The following CHCHD6 variants were observed in gnomAD, a reference collection of about 807,000 sequenced individuals.
CHCHD6 encodes the protein coiled-coil-helix-coiled-coil-helix domain containing 6.
CHCHD6 carries 28 observed loss-of-function variants against 32.3 expected under a neutral mutation model. The ratio of observed to expected loss-of-function variants is 0.87; its 90% confidence interval spans 0.64 to 1.19. The LOEUF is 1.19. Ranked by LOEUF, CHCHD6 falls within the 50% of genes most tolerant of loss-of-function variation. The probability of loss-of-function intolerance (pLI) is 0.00; values close to 1 mark genes in which losing one functional copy is unlikely to be tolerated. For synonymous variants in CHCHD6, 122 were observed against 117.5 expected (o/e 1.04, Z -0.25); for missense variants, 333 against 307.0 (o/e 1.08, Z -0.63).
chr3:126,716,370 A>G (rs1935016976), intron 1 of CHCHD6, among the ~76,000 whole-genome samples: 1 of 151,964 alleles, frequency 6.6e-6, no homozygotes, highest in East Asian at 1.9e-4. Context: ...TTCAGGCCCA[A>G]TTCAGGCCAT....
At chr3:126,948,317 TC>T in intron 6 of CHCHD6, among the ~76,000 whole-genome samples, 1 of 152,172 alleles carries the variant, frequency 6.6e-6, no homozygotes, top group Non-Finnish European at 1.5e-5. Flanking sequence ...GGAGGGGAAA[TC>T]TGTTGCAGCC....
intron 4 of CHCHD6, among the ~76,000 whole-genome samples, chr3:126,739,099 C>T (rs889540394): frequency 6.6e-6 from 1 of 152,180 alleles, no homozygotes; most frequent in East Asian, 1.9e-4. Flanking sequence ...ATGTGGAGAT[C>T]TGAAAATCCT....
Position 126,839,213 on chromosome 3 carries a change from T to C in CHCHD6, c.412-13434T>C, listed in dbSNP as rs114262095. 6.2e-3 allele frequency among the ~76,000 whole-genome samples: 943 copies of C among 152,288 alleles called. 8 individuals carry two copies. Among genetic ancestry groups the C allele is most frequent in the African/African-American group, 0.021 (888 of 41,558 alleles). On this transcript the variant is annotated intron_variant, in intron 4 of 7. Coordinates refer to ENST00000290913, the MANE Select transcript of CHCHD6 (RefSeq NM_032343.3). ...CCATTTTATTCTTGTAGGGAATATT[T>C]ACTCTGTGTCACTTGGAATAAAGCG...
intron 5 of CHCHD6, among the ~76,000 whole-genome samples, chr3:126,862,714 T>TCCACCATCACCACCTCCTCCC (rs1941981469): frequency 1.3e-4 from 7 of 54,492 alleles, no homozygotes; most frequent in Non-Finnish European, 1.4e-4. Context: ...CACCTCCTCC[T>TCCACCATCACCACCTCCTCCC]CCTCTACCAT....
At chr3:126,904,971 G>T (rs2077984545) in intron 5 of CHCHD6, among the ~76,000 whole-genome samples, 1 of 152,218 alleles carries the variant, frequency 6.6e-6, no homozygotes, top group Non-Finnish European at 1.5e-5. Flanking sequence ...AGGTGATGAG[G>T]CATGGCTTTT....
chr3:126,877,739 G>C (rs1435091871), intron 5 of CHCHD6, among the ~76,000 whole-genome samples: 2 of 152,172 alleles, frequency 1.3e-5, no homozygotes, highest in African/African-American at 4.8e-5. Flanking sequence ...GGTGAAATCT[G>C]AATAAGATTG....
At chr3:126,736,523 C>T (rs187186046) in intron 4 of CHCHD6, among the ~76,000 whole-genome samples, 43 of 152,334 alleles carry the variant, frequency 2.8e-4, no homozygotes, top group Middle Eastern at 3.4e-3. Context: ...TTGCCTCTGA[C>T]TTTTTCCAAT....
intron 4 of CHCHD6, among the ~76,000 whole-genome samples, chr3:126,782,926 G>T (rs923595907): frequency 6.6e-6 from 1 of 152,162 alleles, no homozygotes; most frequent in Non-Finnish European, 1.5e-5. Context: ...GTGTAAGGTA[G>T]GGGTTCAGTA....
intron 4 of CHCHD6, among the ~76,000 whole-genome samples, chr3:126,851,615 T>C (rs1941475842): frequency 6.6e-6 from 1 of 152,208 alleles, no homozygotes; most frequent in African/African-American, 2.4e-5. Flanking sequence ...ATCCTGACCC[T>C]TAGTGTGGAG....
chr3:126,773,369 T>C (rs558416455), intron 4 of CHCHD6, among the ~76,000 whole-genome samples: 1 of 152,248 alleles, frequency 6.6e-6, no homozygotes, highest in Non-Finnish European at 1.5e-5. Flanking sequence ...CACAATAATT[T>C]ACGAGTAATA....
chr3:126,776,151 A>G (rs1204984612), intron 4 of CHCHD6, among the ~76,000 whole-genome samples: 1 of 152,194 alleles, frequency 6.6e-6, no homozygotes, highest in Non-Finnish European at 1.5e-5. Flanking sequence ...GTCTTCTTTA[A>G]TAATTTCTCT....
Position 126,733,141 on chromosome 3 carries a change from G to A in CHCHD6, c.330G>A (p.Glu110=). ...TCCAGGTGGCAAAGAGGGAAAGAGA[G>A]GCTGCCACCAAGCACTCCAAGGCAT... is the stretch of plus-strand genomic sequence containing the variant. The part of the protein sequence containing the change: ...KLFQVAKRER[E]AATKHSKASL... Residue 110 remains glutamate, a synonymous_variant, in exon 4 of 8, where the codon GAG becomes GAA. Transcript: ENST00000290913. 1 of 1,614,168 alleles carries A rather than the reference G, an allele frequency of 6.2e-7. No homozygotes were observed. Among genetic ancestry groups the A allele is most frequent in the African/African-American group, 1.3e-5 (1 of 75,068 alleles).
chr3:126,927,248 G>T (rs1453148061), intron 6 of CHCHD6, among the ~76,000 whole-genome samples: 1 of 152,182 alleles, frequency 6.6e-6, no homozygotes, highest in African/African-American at 2.4e-5. Flanking sequence ...CCAAGGCATG[G>T]GGCATGCGCT....
intron 4 of CHCHD6, among the ~76,000 whole-genome samples, chr3:126,809,281 T>C (rs1462153490): frequency 6.6e-6 from 1 of 152,208 alleles, no homozygotes; most frequent in African/African-American, 2.4e-5. Flanking sequence ...AGCAGTCTGC[T>C]TTTGCTTTGA....
intron 4 of CHCHD6, among the ~76,000 whole-genome samples, chr3:126,770,608 G>C (rs1937526055): frequency 6.6e-6 from 1 of 152,188 alleles, no homozygotes; most frequent in South Asian, 2.1e-4. Flanking sequence ...TTTTAGTTCA[G>C]TGAATGGGTT....
intron 4 of CHCHD6, among the ~76,000 whole-genome samples, chr3:126,783,286 CAT>C (rs1938040669): frequency 6.6e-6 from 1 of 152,142 alleles, no homozygotes; most frequent in Non-Finnish European, 1.5e-5. Context: ...CGTCAGCATT[CAT>C]ATAGAAGAAA....
intron 6 of CHCHD6, among the ~76,000 whole-genome samples, chr3:126,926,763 GAT>G (rs1334174768): frequency 6.6e-6 from 1 of 152,140 alleles, no homozygotes; most frequent in Admixed American, 6.5e-5. Context: ...GCAGGGAATT[GAT>G]ATGATTGGAT....
intron 1 of CHCHD6, among the ~76,000 whole-genome samples, chr3:126,719,195 C>G (rs1216764517): frequency 6.6e-6 from 1 of 152,234 alleles, no homozygotes; most frequent in Non-Finnish European, 1.5e-5. Flanking sequence ...AATTCACTGT[C>G]CTCTGGCCTG....
At chr3:126,814,124 T>C (rs1939777408) in intron 4 of CHCHD6, among the ~76,000 whole-genome samples, 1 of 152,204 alleles carries the variant, frequency 6.6e-6, no homozygotes, top group Non-Finnish European at 1.5e-5. Flanking sequence ...AGGTGGGTTA[T>C]CGATATCAGA....
Sources: allele counts gnomAD v4.1 joint callset (sites outside exome capture counted in the v4.1 genomes callset), GRCh38; gene constraint gnomAD v4.1.1; transcripts MANE v1.5; gene names NCBI Gene and HGNC (gene_info 2026-07-23, HGNC 2026-07-21).